KIAA1549L: variants seen among roughly 807,000 people sequenced by gnomAD.
The protein encoded by KIAA1549L is KIAA1549 like.
A neutral mutation model predicts 160.7 loss-of-function variants in KIAA1549L; 88 were observed. The ratio of observed to expected loss-of-function variants is 0.55; its 90% confidence interval spans 0.46 to 0.65. The LOEUF (loss-of-function observed/expected upper bound fraction) is 0.65, where lower values mean the gene tolerates loss of function less well. Among genes scored for constraint, KIAA1549L ranks in the 30% least tolerant of loss-of-function variants. KIAA1549L has a pLI of 0.00. For synonymous variants in KIAA1549L, 950 were observed against 976.7 expected (o/e 0.97, Z 0.51); for missense variants, 2,258 against 2,437.5 (o/e 0.93, Z 1.55).
At chr11:33,407,561 C>G (rs747868225) in intron 1 of KIAA1549L, among the ~76,000 whole-genome samples, 1 of 152,138 alleles carries the variant, frequency 6.6e-6, no homozygotes, top group Non-Finnish European at 1.5e-5. Flanking sequence ...GTTGGCCAGG[C>G]TGGTTTCAAA....
Position 33,547,763 on chromosome 11 carries a change from G to C in KIAA1549L, c.3386-1G>C. 6.2e-7 allele frequency: 1 copy of C among 1,602,318 alleles called. No individual in the cohort carries two copies. Among genetic ancestry groups the C allele is most frequent in the Admixed American group, 1.7e-5 (1 of 59,768 alleles). ...TGCCATGCTTCTATTTTACCCCACA[G>C]TTCTCTTTCTCACCCAAAGGAGAGT... On this transcript the variant is annotated splice_acceptor_variant, in intron 3 of 20. Coordinates refer to ENST00000658780, the MANE Select transcript of KIAA1549L (RefSeq NM_012194.3). LOFTEE classifies it high-confidence loss of function.
intron 6 of KIAA1549L, among the ~76,000 whole-genome samples, chr11:33,553,263 GT>G (rs1034978584): frequency 1.3e-4 from 20 of 151,356 alleles, no homozygotes; most frequent in African/African-American, 4.6e-4. Flanking sequence ...GCCTCCCGAA[GT>G]GCTGGGATTA....
rs1252253856 is a variant in KIAA1549L, at chr11:33,670,559, A to G, written c.*2405A>G. On this transcript the variant is annotated 3_prime_UTR_variant, in exon 21 of 21. Coordinates refer to ENST00000658780, the MANE Select transcript of KIAA1549L (RefSeq NM_012194.3). ...GATGAGAGGAAAACCTTAAGTTGGAAAGAAATCAGTCTGTTCATGTTATCC... is the reference window on the plus strand; with the variant it reads ...GATGAGAGGAAAACCTTAAGTTGGAGAGAAATCAGTCTGTTCATGTTATCC... 6.6e-6 allele frequency: 1 copy of G among 152,224 alleles called. No individual in the cohort carries two copies. The highest frequency in any genetic ancestry group is 1.5e-5 in the Non-Finnish European group (1 of 68,030). The allele number at this position is 152,224 out of a possible 1,614,324, so 9.4% of individuals were successfully genotyped here. A position where few individuals can be genotyped will look rare whatever the true frequency, so the allele number is the denominator to read the frequency against.
intron 1 of KIAA1549L, among the ~76,000 whole-genome samples, chr11:33,432,007 C>T (rs1014257865): frequency 7.9e-5 from 12 of 152,348 alleles, no homozygotes; most frequent in Middle Eastern, 3.4e-3. Flanking sequence ...CCTCATTGCC[C>T]GGGGCCGGCA....
chr11:33,386,660 G>T (rs543794594), intron 1 of KIAA1549L, among the ~76,000 whole-genome samples: 4 of 152,246 alleles, frequency 2.6e-5, no homozygotes, highest in African/African-American at 9.6e-5. Flanking sequence ...TCCAGCCTGG[G>T]TGACAAGAGC....
chr11:33,505,757 G>A (rs559722082), intron 1 of KIAA1549L, among the ~76,000 whole-genome samples: 10 of 152,192 alleles, frequency 6.6e-5, no homozygotes, highest in African/African-American at 9.6e-5. Flanking sequence ...TTGATCCTTC[G>A]CACCTGTAGC....
intron 16 of KIAA1549L, among the ~76,000 whole-genome samples, chr11:33,633,158 T>G (rs1851347460): frequency 7.1e-6 from 1 of 140,738 alleles, no homozygotes; most frequent in African/African-American, 2.7e-5. Flanking sequence ...TTTTTTTTTT[T>G]TTTTTTTTTT....
chr11:33,666,616 G>A (rs1289639625), intron 20 of KIAA1549L, among the ~76,000 whole-genome samples: 1 of 152,166 alleles, frequency 6.6e-6, no homozygotes, highest in African/African-American at 2.4e-5. Context: ...CTGTTTCTGT[G>A]GGAGAATCGA....
At chr11:33,559,181 C>T (rs937669201) in intron 6 of KIAA1549L, among the ~76,000 whole-genome samples, 1 of 152,126 alleles carries the variant, frequency 6.6e-6, no homozygotes, top group African/African-American at 2.4e-5. Context: ...CTGCCCGTGA[C>T]CAGACTGGTT....
In KIAA1549L at chr11:33,554,056, G is replaced by A. The variant is rs189868344; in HGVS notation, c.3855+1815G>A. On this transcript the variant is annotated intron_variant, in intron 6 of 20. Transcript: ENST00000658780. ...TTAACCCTGTTTCCATTTTTGCCTC[G>A]GCTGACAGGAATCCCAGAGCCAAAT... Among the ~76,000 whole-genome samples the A allele has an allele frequency of 2.3e-3, 354 of 152,100 alleles. 3 individuals are homozygous for A. Among genetic ancestry groups the A allele is most frequent in the African/African-American group, 8.0e-3 (330 of 41,480 alleles).
chr11:33,620,690 T>C (rs745339460), intron 16 of KIAA1549L, among the ~76,000 whole-genome samples: 16 of 152,158 alleles, frequency 1.1e-4, no homozygotes, highest in Non-Finnish European at 1.9e-4. Flanking sequence ...CACCATGCAA[T>C]ATGGCCTCTG....
At chr11:33,591,711 A>G (rs1472395589) in intron 12 of KIAA1549L, among the ~76,000 whole-genome samples, 1 of 152,254 alleles carries the variant, frequency 6.6e-6, no homozygotes. Context: ...TTTTAAACTT[A>G]TATTAAAAGC....
chr11:33,415,902 C>T (rs975436476), intron 1 of KIAA1549L, among the ~76,000 whole-genome samples: 2 of 151,804 alleles, frequency 1.3e-5, no homozygotes, highest in African/African-American at 4.8e-5. Context: ...GGCGTGATCT[C>T]GGTTCACTGC....
At chr11:33,624,755 C>CT (rs144470196) in intron 16 of KIAA1549L, among the ~76,000 whole-genome samples, 52 of 141,770 alleles carry the variant, frequency 3.7e-4, no homozygotes, top group East Asian at 2.1e-3. Flanking sequence ...TTAATTTTTG[C>CT]TTTTTTTTTA....
intron 1 of KIAA1549L, among the ~76,000 whole-genome samples, chr11:33,414,840 T>A (rs7939561): frequency 0.019 from 2,935 of 151,878 alleles, 91 homozygotes; most frequent in African/African-American, 0.068. Flanking sequence ...TGAGTGTGTG[T>A]GAGAGAGAGA....
At chr11:33,464,966 G>T (rs959614320) in intron 1 of KIAA1549L, among the ~76,000 whole-genome samples, 16 of 151,168 alleles carry the variant, frequency 1.1e-4, no homozygotes, top group Non-Finnish European at 1.5e-4. Context: ...GGGTCTCTGA[G>T]CTCTGGCCCT....
intron 1 of KIAA1549L, among the ~76,000 whole-genome samples, chr11:33,532,758 G>C (rs566907868): frequency 2.0e-5 from 3 of 152,312 alleles, no homozygotes; most frequent in East Asian, 3.9e-4. Context: ...GATCTAGTTT[G>C]CTTTTCTTTA....
intron 1 of KIAA1549L, among the ~76,000 whole-genome samples, chr11:33,495,945 A>G (rs1852807821): frequency 6.6e-6 from 1 of 151,978 alleles, no homozygotes. Context: ...GTGTCTGTTC[A>G]TGTCCTTCGC....
At chr11:33,509,750 A>G (rs572117252) in intron 1 of KIAA1549L, among the ~76,000 whole-genome samples, 5 of 152,198 alleles carry the variant, frequency 3.3e-5, no homozygotes, top group Non-Finnish European at 7.3e-5. Flanking sequence ...GCTGGAATTT[A>G]TAGCCAGGAC....
Sources: allele counts gnomAD v4.1 joint callset (sites outside exome capture counted in the v4.1 genomes callset), GRCh38; gene constraint gnomAD v4.1.1; transcripts MANE v1.5; gene names NCBI Gene and HGNC (gene_info 2026-07-23, HGNC 2026-07-21).